Variants in YEATS4 observed in about 807,000 individuals in gnomAD.
YEATS4 encodes the protein YEATS domain containing 4.
YEATS4 carries 17 observed loss-of-function variants against 30.1 expected under a neutral mutation model. That is an observed-to-expected ratio of 0.56 (90% CI 0.39 to 0.85). YEATS4 has a LOEUF of 0.85. Among genes scored for constraint, YEATS4 ranks in the 40% least tolerant of loss-of-function variants. The probability of loss-of-function intolerance (pLI) is 0.00; values close to 1 mark genes in which losing one functional copy is unlikely to be tolerated. For synonymous variants in YEATS4, 85 were observed against 87.5 expected (o/e 0.97, Z 0.16); for missense variants, 142 against 268.3 (o/e 0.53, Z 3.29).
intron 2 of YEATS4, chr12:69,364,256 C>G: frequency 2.3e-6 from 1 of 425,776 alleles, no homozygotes; most frequent in South Asian, 1.6e-5. Context: ...AGTTTGAGAC[C>G]AGACTGGCAA....
chr12:69,379,005 G>A (rs954613235), intron 6 of YEATS4, among the ~76,000 whole-genome samples: 2 of 152,120 alleles, frequency 1.3e-5, no homozygotes, highest in Non-Finnish European at 2.9e-5. Context: ...CATGTTCGAA[G>A]GCTATTTTCA....
intron 2 of YEATS4, chr12:69,364,136 C>A (rs1365789864): frequency 2.3e-6 from 1 of 443,100 alleles, no homozygotes; most frequent in Non-Finnish European, 4.5e-6. Flanking sequence ...TGTAGTGATT[C>A]TTATGAGACT....
chr12:69,395,196 A>G (rs1448763684), downstream of YEATS4, among the ~76,000 whole-genome samples: 1 of 152,210 alleles, frequency 6.6e-6, no homozygotes. Context: ...TTTTCACAGA[A>G]GGAAGAAGGG....
At chr12:69,392,596 A>G (rs1299766037), downstream of YEATS4, among the ~76,000 whole-genome samples, 2 of 152,250 alleles carry the variant, frequency 1.3e-5, no homozygotes, top group Admixed American at 1.3e-4. Flanking sequence ...CATCTAGACA[A>G]TAAGAAGAAT....
chr12:69,409,665 A>G, the YEATS4 span, among the ~76,000 whole-genome samples: 1 of 152,062 alleles, frequency 6.6e-6, no homozygotes, highest in Admixed American at 6.5e-5. Context: ...TTATTGAGGT[A>G]TAATTTACAT....
chr12:69,382,383 T>G (rs1173606322), intron 6 of YEATS4, among the ~76,000 whole-genome samples: 3 of 152,242 alleles, frequency 2.0e-5, no homozygotes, highest in African/African-American at 7.2e-5. Flanking sequence ...TCTGTTTTAC[T>G]GTGGCTGAGC....
the YEATS4 span, among the ~76,000 whole-genome samples, chr12:69,411,603 T>A: frequency 6.6e-6 from 1 of 152,094 alleles, no homozygotes; most frequent in Non-Finnish European, 1.5e-5. Context: ...AAAAGAAAAT[T>A]TGAACAGGGG....
At chr12:69,389,204 C>T (rs898054568) in intron 6 of YEATS4, among the ~76,000 whole-genome samples, 1 of 152,050 alleles carries the variant, frequency 6.6e-6, no homozygotes, top group Non-Finnish European at 1.5e-5. Flanking sequence ...AATCCCCGCA[C>T]TTTGGGAGGC....
chr12:69,393,760 T>C (rs1410742475), downstream of YEATS4, among the ~76,000 whole-genome samples: 4 of 152,138 alleles, frequency 2.6e-5, no homozygotes, highest in Non-Finnish European at 5.9e-5. Flanking sequence ...TGTTGCTAAT[T>C]ATTAAAGCTT....
chr12:69,409,610 C>A, the YEATS4 span, among the ~76,000 whole-genome samples: 1 of 148,432 alleles, frequency 6.7e-6, no homozygotes, highest in African/African-American at 2.5e-5. Flanking sequence ...GAGTGAGACT[C>A]TGTTTAAAAA....
At chr12:69,424,029 G>C in the YEATS4 span, among the ~76,000 whole-genome samples, 2 of 152,196 alleles carry the variant, frequency 1.3e-5, no homozygotes, top group Admixed American at 1.3e-4. Context: ...GTAATGTTTG[G>C]AGCTGCAGCG....
the YEATS4 span, among the ~76,000 whole-genome samples, chr12:69,419,814 A>G: frequency 1.3e-5 from 2 of 152,224 alleles, no homozygotes; most frequent in African/African-American, 4.8e-5. Flanking sequence ...ATTGCTAGTA[A>G]GACATTTGAG....
Position 69,365,568 on chromosome 12 carries a change from C to G in YEATS4, c.172-65C>G, listed in dbSNP as rs565960607. The G allele has an allele frequency of 3.5e-6, 4 of 1,133,926 alleles. No homozygotes were observed. In the African/African-American group the frequency reaches 4.7e-5, roughly 13 times the overall value. 70.2% of individuals were successfully genotyped at this position (1,133,926 alleles called of 1,614,324 possible). A position where few individuals can be genotyped will look rare whatever the true frequency, so the allele number is the denominator to read the frequency against. ...TTTTATAAAACTAAGTATATACGCT[C>G]AGTGTATTTTTTTTCCTAGTTTTCA... On this transcript the variant is annotated intron_variant, in intron 2 of 6. Transcript: ENST00000247843.
intron 4 of YEATS4, among the ~76,000 whole-genome samples, chr12:69,370,300 T>G (rs11177627): frequency 0.012 from 1,867 of 152,318 alleles, 21 homozygotes; most frequent in African/African-American, 0.029. Context: ...TATCTTGCCC[T>G]CACTGAACTT....
chr12:69,397,861 A>T, the YEATS4 span, among the ~76,000 whole-genome samples: 2 of 152,174 alleles, frequency 1.3e-5, no homozygotes, highest in Non-Finnish European at 2.9e-5. Flanking sequence ...TCAGACTTAT[A>T]ACCTCCAGAA....
chr12:69,361,058 C>T (rs959290957), intron 1 of YEATS4, among the ~76,000 whole-genome samples: 5 of 151,428 alleles, frequency 3.3e-5, no homozygotes, highest in African/African-American at 1.2e-4. Flanking sequence ...ATTAGCCGGG[C>T]GTGGTGGCGG....
intron 2 of YEATS4, among the ~76,000 whole-genome samples, chr12:69,363,340 C>A (rs535131963): frequency 6.6e-6 from 1 of 151,850 alleles, no homozygotes; most frequent in Admixed American, 6.6e-5. Context: ...AAAATTGGTC[C>A]GTTGTAGGAA....
chr12:69,385,012 G>A (rs985012144), intron 6 of YEATS4, among the ~76,000 whole-genome samples: 1 of 152,004 alleles, frequency 6.6e-6, no homozygotes, highest in Non-Finnish European at 1.5e-5. Context: ...ATTAGCAAAA[G>A]CATTTTTTTT....
intron 6 of YEATS4, among the ~76,000 whole-genome samples, chr12:69,380,000 G>A (rs1876013555): frequency 6.6e-6 from 1 of 152,048 alleles, no homozygotes; most frequent in Non-Finnish European, 1.5e-5. Context: ...TTCTTTATCT[G>A]TGTTATCTTG....
Sources: gnomAD v4.1 joint callset for allele counts (sites outside exome capture counted in the v4.1 genomes callset) on GRCh38, gnomAD v4.1.1 for gene constraint, MANE v1.5 for transcripts, NCBI Gene and HGNC (gene_info 2026-07-23, HGNC 2026-07-21) for gene names.